The following WASHC2A variants were observed in gnomAD, a reference collection of about 807,000 sequenced individuals.
WASHC2A encodes WASH complex subunit 2A.
In WASHC2A, 82 loss-of-function variants were observed where a neutral mutation model predicts 140.3. The observed-to-expected ratio is 0.58, with a 90% CI of 0.49 to 0.70. WASHC2A has a LOEUF of 0.70. Among genes scored for constraint, WASHC2A ranks in the 30% least tolerant of loss-of-function variants. The pLI is 0.00. For missense variants in WASHC2A, 985 were observed against 1,521.8 expected, an observed-to-expected ratio of 0.65 and a Z score of 5.87; for synonymous variants, 340 against 560.8, an observed-to-expected ratio of 0.61 and a Z score of 5.56.
At chr10:50,116,670 C>G (rs1842710533) in intron 21 of WASHC2A, among the ~76,000 whole-genome samples, 1 of 151,426 alleles carries the variant, frequency 6.6e-6, no homozygotes, top group Non-Finnish European at 1.5e-5. Context: ...AAAGCCTTTT[C>G]CTTTGATTAC....
At chr10:50,130,555 G>A (rs1843863824) in intron 29 of WASHC2A, among the ~76,000 whole-genome samples, 1 of 152,162 alleles carries the variant, frequency 6.6e-6, no homozygotes. Context: ...TCTCTGGGAA[G>A]ATAATCAAAT....
rs1190979350 is a variant in WASHC2A at position 50,129,403 on chromosome 10, T to C, written c.3088-16T>C. On this transcript the variant is annotated splice_polypyrimidine_tract_variant and intron_variant, in intron 28 of 30. Coordinates refer to ENST00000282633, the MANE Select transcript of WASHC2A (RefSeq NM_001005751.3). ...ATTTTATCGTCAGATCAATGTGTGT[T>C]TTTTTGCCATTGCAGAGCCGTGTCA... 6.2e-7 allele frequency: 1 copy of C among 1,612,076 alleles called. No individual in the cohort carries two copies. Among genetic ancestry groups the C allele is most frequent in the East Asian group, 2.2e-5 (1 of 44,874 alleles).
In WASHC2A at chr10:50,133,443, G is replaced by A. The variant is rs1223781132; in HGVS notation, c.*498G>A. On this transcript the variant is annotated 3_prime_UTR_variant, in exon 31 of 31. Coordinates refer to ENST00000282633, the MANE Select transcript of WASHC2A (RefSeq NM_001005751.3). ...GCCTCTGCATGTCCTCCAAGGCAAA[G>A]TTTGGCAAACTGTGGCCCCCCCACT... The A allele has an allele frequency of 6.4e-6, 3 of 470,176 alleles. No individual in the cohort carries two copies. The Admixed American group carries it at 7.0e-5, about 11-fold the overall frequency. 29.1% of individuals were successfully genotyped at this position (470,176 alleles called of 1,614,324 possible). A position where few individuals can be genotyped will look rare whatever the true frequency, so the allele number is the denominator to read the frequency against.
chr10:50,075,658 A>G (rs1215936821), intron 3 of WASHC2A, among the ~76,000 whole-genome samples: 6 of 148,958 alleles, frequency 4.0e-5, no homozygotes, highest in East Asian at 1.9e-4. Flanking sequence ...TCTTTTCTTC[A>G]TTGACTATTA....
chr10:50,131,161 C>T, intron 30 of WASHC2A, 83 bp downstream of exon 30: 30 of 1,609,016 alleles, frequency 1.9e-5, no homozygotes, highest in Non-Finnish European at 2.5e-5. Flanking sequence ...TTTCTTGGCC[C>T]TTTTCTGGAA....
At position 50,110,333 on chromosome 10, in the gene WASHC2A, A is replaced by T. The variant is rs1371997423; in HGVS notation, c.2039+63A>T. 31 of 1,605,004 alleles carry T rather than the reference A, an allele frequency of 1.9e-5. No homozygotes were observed. In the East Asian group the frequency reaches 4.7e-4, roughly 24 times the overall value. ...CCGTGGTAACAAGAAAAGGAATCTG[A>T]TGCACAATCTAGTTCATCGGGTGAT... On this transcript the variant is annotated intron_variant, in intron 20 of 30. Coordinates refer to ENST00000282633, the MANE Select transcript of WASHC2A (RefSeq NM_001005751.3).
intron 8 of WASHC2A, among the ~76,000 whole-genome samples, chr10:50,090,364 G>A (rs1330165063): frequency 2.0e-5 from 3 of 150,626 alleles, no homozygotes; most frequent in South Asian, 2.1e-4. Flanking sequence ...TTTGCTGGGC[G>A]TGGTGGTGCA....
At chr10:50,123,910 A>G (rs1843197177) in intron 23 of WASHC2A, among the ~76,000 whole-genome samples, 1 of 151,836 alleles carries the variant, frequency 6.6e-6, no homozygotes, top group South Asian at 2.1e-4. Flanking sequence ...CACAGTGAAT[A>G]TGATTAATTT....
chr10:50,105,607 A>C (rs1232391267), intron 18 of WASHC2A, among the ~76,000 whole-genome samples: 2 of 149,650 alleles, frequency 1.3e-5, no homozygotes, highest in Non-Finnish European at 3.0e-5. Flanking sequence ...ATCCATCTTC[A>C]CATTCCAGGG....
At chr10:50,111,795 C>T (rs1169826681) in intron 20 of WASHC2A, among the ~76,000 whole-genome samples, 3 of 152,044 alleles carry the variant, frequency 2.0e-5, no homozygotes, top group African/African-American at 7.2e-5. Context: ...TTGGGGAGGC[C>T]GAGGCAGGCA....
At position 50,133,465 on chromosome 10, in the gene WASHC2A, C is replaced by T. The variant is rs1342411331; in HGVS notation, c.*520C>T. The T allele has an allele frequency of 1.7e-5, 8 of 469,862 alleles. No homozygotes were observed. Among genetic ancestry groups the T allele is most frequent in the South Asian group, 7.8e-5 (5 of 64,494 alleles). The allele number at this position is 469,862 out of a possible 1,614,324, so 29.1% of individuals were successfully genotyped here. ...AAAGTTTGGCAAACTGTGGCCCCCC[C>T]ACTGTCATATTTTGTTAATAAAATT... is the stretch of plus-strand genomic sequence containing the variant. On this transcript the variant is annotated 3_prime_UTR_variant, in exon 31 of 31. Transcript: ENST00000282633.
intron 17 of WASHC2A, among the ~76,000 whole-genome samples, chr10:50,102,689 G>T (rs1257617520): frequency 6.8e-6 from 1 of 146,782 alleles, no homozygotes; most frequent in African/African-American, 2.6e-5. Flanking sequence ...TGTCCAAAGA[G>T]GTCTTAGAAA....
At chr10:50,076,840 G>T (rs1221968902) in intron 3 of WASHC2A, among the ~76,000 whole-genome samples, 1 of 150,608 alleles carries the variant, frequency 6.6e-6, no homozygotes, top group Admixed American at 6.6e-5. Context: ...AATGCAGGCC[G>T]GGCATGGTGG....
In WASHC2A at chr10:50,131,058, C is replaced by G; in HGVS notation, c.3866C>G (p.Ser1289Cys). 1.2e-6 allele frequency: 2 copies of G among 1,611,778 alleles called. No homozygotes were observed. Among genetic ancestry groups the G allele is most frequent in the Non-Finnish European group, 1.7e-6 (2 of 1,179,778 alleles). Residue 1289 changes from serine (S) to cysteine (C), a missense_variant, in exon 30 of 31, where the codon TCT becomes TGT. Coordinates refer to ENST00000282633, the MANE Select transcript of WASHC2A (RefSeq NM_001005751.3). ...TCCAAAAAGAAAGTGGAAGCCAAGT[C>G]TATATTTGATGATGATATGGGTAAG... Reference protein sequence around the residue: ...EKSKKKVEAKSIFDDDMDDIF... With the variant: ...EKSKKKVEAKCIFDDDMDDIF...
intron 16 of WASHC2A, among the ~76,000 whole-genome samples, chr10:50,099,294 G>T (rs1554885768): frequency 6.7e-6 from 1 of 148,820 alleles, no homozygotes; most frequent in Non-Finnish European, 1.5e-5. Flanking sequence ...TTATGAGACA[G>T]GGTCTTGCTC....
intron 23 of WASHC2A, among the ~76,000 whole-genome samples, chr10:50,124,526 C>G: frequency 6.6e-6 from 1 of 152,084 alleles, no homozygotes; most frequent in East Asian, 1.9e-4. Context: ...TGTTAGATAT[C>G]TAGTAAACAA....
At position 50,127,174 on chromosome 10, in the gene WASHC2A, C is replaced by T. The variant is rs1182024509; in HGVS notation, c.2826C>T (p.Leu942=). ...ATTTTACACAGGACTCATCAGGTCT[C>T]GCTCCATTTAAAACCAAAGAACCAT... ...KPETPQDSSG[L]APFKTKEPST... The change falls in exon 27 of 31, where the codon CTC becomes CTT. Residue 942 remains leucine, a synonymous_variant. Coordinates refer to ENST00000282633, the MANE Select transcript of WASHC2A (RefSeq NM_001005751.3). 2.2e-5 allele frequency: 35 copies of T among 1,611,912 alleles called. No individual in the cohort carries two copies. The highest frequency in any genetic ancestry group is 8.3e-5 in the Admixed American group (5 of 60,002).
In WASHC2A at chr10:50,093,331, C is replaced by G; in HGVS notation, c.1067C>G (p.Ser356Cys). ...GACGAGGACTTCTCGCCATTTGGCTCTGGAGGTGGCCTGTTCAGTGGGGGC... is the reference window on the plus strand; with the variant it reads ...GACGAGGACTTCTCGCCATTTGGCTGTGGAGGTGGCCTGTTCAGTGGGGGC... ...LTDEDFSPFGSGGGLFSGGKG... is the reference protein window; with the variant it reads ...LTDEDFSPFGCGGGLFSGGKG... The change falls in exon 12 of 31, where the codon TCT becomes TGT. Residue 356 changes from serine to cysteine, a missense_variant. Coordinates refer to ENST00000282633, the MANE Select transcript of WASHC2A (RefSeq NM_001005751.3). 1 of 1,472,320 alleles carries G rather than the reference C, an allele frequency of 6.8e-7. No individual in the cohort carries two copies. The highest frequency in any genetic ancestry group is 1.4e-5 in the African/African-American group (1 of 71,550). The allele number at this position is 1,472,320 out of a possible 1,614,324, so 91.2% of individuals were successfully genotyped here.
intron 5 of WASHC2A, among the ~76,000 whole-genome samples, chr10:50,081,543 C>T (rs1467543651): frequency 8.7e-4 from 120 of 138,006 alleles, no homozygotes; most frequent in African/African-American, 2.8e-3. Context: ...CAGAGTCTCT[C>T]GGTAGTGAAC....
Sources: gnomAD v4.1 joint callset for allele counts (sites outside exome capture counted in the v4.1 genomes callset) on GRCh38, gnomAD v4.1.1 for gene constraint, MANE v1.5 for transcripts, NCBI Gene and HGNC (gene_info 2026-07-23, HGNC 2026-07-21) for gene names.